SLCO3A1: variants seen among roughly 807,000 people sequenced by gnomAD.
The protein encoded by SLCO3A1 is PGE1 transporter.
A neutral mutation model predicts 63.1 loss-of-function variants in SLCO3A1; 27 were observed. That is an observed-to-expected ratio of 0.43 (90% confidence interval 0.32 to 0.59). The LOEUF (loss-of-function observed/expected upper bound fraction) is 0.59. Among genes scored for constraint, SLCO3A1 ranks in the 20% least tolerant of loss-of-function variants. The pLI is 0.09. For missense variants in SLCO3A1, 773 were observed against 945.8 expected (o/e 0.82, Z 2.40); for synonymous variants, 473 against 409.9 (o/e 1.15, Z -1.86).
intron 2 of SLCO3A1, among the ~76,000 whole-genome samples, chr15:92,042,696 T>G (rs1483807750): frequency 6.6e-6 from 1 of 152,108 alleles, no homozygotes; most frequent in African/African-American, 2.4e-5. Flanking sequence ...GTTCACCAGA[T>G]AGCTGAGGGA....
intron 2 of SLCO3A1, among the ~76,000 whole-genome samples, chr15:92,091,721 T>C (rs190358108): frequency 6.6e-6 from 1 of 152,304 alleles, no homozygotes; most frequent in Admixed American, 6.5e-5. Flanking sequence ...AGGAGCGACA[T>C]AGAAAAGTGA....
intron 4 of SLCO3A1, among the ~76,000 whole-genome samples, chr15:92,109,428 T>C (rs1398736082): frequency 6.6e-6 from 1 of 152,190 alleles, no homozygotes; most frequent in Non-Finnish European, 1.5e-5. Context: ...AAGATGGGTC[T>C]TCCAGACACA....
intron 9 of SLCO3A1, 64 bp from the exon 10 acceptor site, chr15:92,162,692 A>G (rs2048454233): frequency 2.6e-6 from 4 of 1,531,500 alleles, no homozygotes; most frequent in South Asian, 1.3e-5. Flanking sequence ...AGCTAGGCAG[A>G]GACAGGAACA....
At chr15:92,032,883 T>C (rs920901977) in intron 2 of SLCO3A1, among the ~76,000 whole-genome samples, 1 of 124,124 alleles carries the variant, frequency 8.1e-6, no homozygotes, top group South Asian at 2.6e-4. Context: ...TTCAAGTCCA[T>C]ACAGCTGGCA....
At chr15:92,074,622 T>G (rs919026273) in intron 2 of SLCO3A1, among the ~76,000 whole-genome samples, 1 of 152,146 alleles carries the variant, frequency 6.6e-6, no homozygotes, top group Non-Finnish European at 1.5e-5. Context: ...TTCCAGCCTG[T>G]GAGTTAGAAC....
At chr15:91,909,881 G>A (rs1251656447) in intron 1 of SLCO3A1, among the ~76,000 whole-genome samples, 2 of 152,188 alleles carry the variant, frequency 1.3e-5, no homozygotes, top group African/African-American at 4.8e-5. Flanking sequence ...TGTTACACCA[G>A]CATTAGCCTG....
chr15:92,087,518 T>TA lies in SLCO3A1; in HGVS notation c.647-7363_647-7362insA, dbSNP rs1385680121. Among the ~76,000 whole-genome samples, 612 of 68,628 alleles carry TA rather than the reference T, an allele frequency of 8.9e-3. 3 individuals carry two copies. Among genetic ancestry groups the TA allele is most frequent in the African/African-American group, 0.023 (569 of 24,784 alleles). The allele number at this position is 68,628 out of a possible 152,430, so 45.0% of individuals were successfully genotyped here. The stretch of plus-strand genomic sequence containing the variant: ...GCCTAGTACTTTTATTATCTATTAT[T>TA]TTTTTTTTTTTTTTTTTGAGCTGGA... On this transcript the variant is annotated intron_variant, in intron 2 of 9. Transcript: ENST00000318445.
chr15:91,990,640 T>C (rs2046114547), intron 2 of SLCO3A1, among the ~76,000 whole-genome samples: 1 of 143,934 alleles, frequency 6.9e-6, no homozygotes, highest in Admixed American at 7.3e-5. Flanking sequence ...ACTTAGATGT[T>C]CAGCCTCAAG....
intron 2 of SLCO3A1, among the ~76,000 whole-genome samples, chr15:91,969,076 T>G (rs1049135487): frequency 4.6e-5 from 7 of 152,252 alleles, no homozygotes; most frequent in Non-Finnish European, 1.0e-4. Flanking sequence ...CATACACCTG[T>G]GTCCCCGCTA....
At position 92,165,116 on chromosome 15, in the gene SLCO3A1, G is replaced by A; in HGVS notation, c.*1981G>A. 7.1e-6 allele frequency: 7 copies of A among 985,420 alleles called. No homozygotes were observed. The highest frequency in any genetic ancestry group is 8.4e-6 in the Non-Finnish European group (7 of 829,926). 61.0% of individuals were successfully genotyped at this position (985,420 alleles called of 1,614,324 possible). Reference sequence around the variant, plus strand: ...TGTAAATGAAGAGGCTTGAATGACAGCCCAAATCTAGAGAAGGCACTCAGC... The same window carrying A: ...TGTAAATGAAGAGGCTTGAATGACAACCCAAATCTAGAGAAGGCACTCAGC... On this transcript the variant is annotated 3_prime_UTR_variant, in exon 10 of 10. Coordinates refer to ENST00000318445, the MANE Select transcript of SLCO3A1 (RefSeq NM_013272.4).
chr15:92,166,714 T>A (rs1342768768), downstream of SLCO3A1, among the ~76,000 whole-genome samples: 1 of 152,250 alleles, frequency 6.6e-6, no homozygotes, highest in Non-Finnish European at 1.5e-5. Flanking sequence ...TAATGGATAT[T>A]CTTTCACACC....
intron 2 of SLCO3A1, among the ~76,000 whole-genome samples, chr15:92,006,668 A>G (rs950038936): frequency 6.6e-6 from 1 of 152,226 alleles, no homozygotes; most frequent in Non-Finnish European, 1.5e-5. Flanking sequence ...CATTTAAATG[A>G]CTGCCGTTAT....
intron 4 of SLCO3A1, among the ~76,000 whole-genome samples, chr15:92,111,463 C>G (rs1193310330): frequency 1.3e-5 from 2 of 152,070 alleles, no homozygotes; most frequent in African/African-American, 4.8e-5. Flanking sequence ...GTTTTTCTTT[C>G]CTGATTCCAT....
chr15:92,072,644 G>A lies in SLCO3A1; in HGVS notation c.647-22237G>A, dbSNP rs114147030. Among the ~76,000 whole-genome samples the A allele has an allele frequency of 6.9e-3, 1,048 of 152,316 alleles. 14 individuals carry two copies. Among genetic ancestry groups the A allele is most frequent in the African/African-American group, 0.024 (980 of 41,576 alleles). ...AAGCAGACCTGTGCTCCCTCCAGAA[G>A]CCAGGGGAGAATCCTTCCTTGCCTT... is the stretch of plus-strand genomic sequence containing the variant. On this transcript the variant is annotated intron_variant, in intron 2 of 9. Coordinates refer to ENST00000318445, the MANE Select transcript of SLCO3A1 (RefSeq NM_013272.4).
chr15:92,125,697 A>G (rs2047912911), intron 5 of SLCO3A1, among the ~76,000 whole-genome samples: 1 of 151,372 alleles, frequency 6.6e-6, no homozygotes, highest in Admixed American at 6.6e-5. Context: ...AGAGCACATC[A>G]CTGCTCCGTG....
intron 2 of SLCO3A1, among the ~76,000 whole-genome samples, chr15:91,996,534 A>G (rs538614586): frequency 6.6e-6 from 1 of 152,274 alleles, no homozygotes; most frequent in African/African-American, 2.4e-5. Flanking sequence ...ATGACCAAGA[A>G]TAATTAACAT....
At chr15:92,136,925 T>C (rs2151576803) in intron 7 of SLCO3A1, among the ~76,000 whole-genome samples, 1 of 152,264 alleles carries the variant, frequency 6.6e-6, no homozygotes, top group Non-Finnish European at 1.5e-5. Flanking sequence ...TTCTACCTTT[T>C]TATGGCTATA....
intron 2 of SLCO3A1, among the ~76,000 whole-genome samples, chr15:92,011,995 G>A (rs552853990): frequency 2.6e-5 from 4 of 152,334 alleles, no homozygotes; most frequent in South Asian, 2.1e-4. Flanking sequence ...GAGAGCCAGC[G>A]AATCACCAGC....
chr15:92,074,778 CG>C (rs71465733), intron 2 of SLCO3A1, among the ~76,000 whole-genome samples: 8 of 84,392 alleles, frequency 9.5e-5, no homozygotes, highest in Middle Eastern at 7.0e-3. Context: ...ACAAGCAGGG[CG>C]GTGGGGGGTG....
Sources: allele counts gnomAD v4.1 joint callset (sites outside exome capture counted in the v4.1 genomes callset), GRCh38; gene constraint gnomAD v4.1.1; transcripts MANE v1.5; gene names NCBI Gene and HGNC (gene_info 2026-07-23, HGNC 2026-07-21).